Variants in KCNB2 observed in about 807,000 individuals in gnomAD.
The protein encoded by KCNB2 is delayed rectifier potassium channel protein.
Under a neutral mutation model 61.5 loss-of-function variants are expected in KCNB2, and 15 were observed. That is an observed-to-expected ratio of 0.24 (90% CI 0.16 to 0.38). KCNB2 has a LOEUF of 0.38. Ranked by LOEUF, KCNB2 falls within the 10% of genes least tolerant of loss-of-function variation. The pLI, the probability that KCNB2 is intolerant of heterozygous loss-of-function variation, is 1.00. For synonymous variants in KCNB2, 457 were observed against 446.0 expected, an observed-to-expected ratio of 1.02 and a Z score of -0.31; for missense variants, 828 against 1,125.2, an observed-to-expected ratio of 0.74 and a Z score of 3.78.
At chr8:72,582,676 C>T (rs180828066) in intron 2 of KCNB2, among the ~76,000 whole-genome samples, 6 of 152,258 alleles carry the variant, frequency 3.9e-5, no homozygotes, top group African/African-American at 7.2e-5. Context: ...GCAGTGATGC[C>T]ATCATAGCTC....
chr8:72,660,283 G>A (rs1242897012), intron 2 of KCNB2, among the ~76,000 whole-genome samples: 2 of 152,142 alleles, frequency 1.3e-5, no homozygotes, highest in East Asian at 1.9e-4. Flanking sequence ...GTCTGCCAGC[G>A]CATGGAGCCC....
intron 2 of KCNB2, among the ~76,000 whole-genome samples, chr8:72,863,198 G>A (rs926379777): frequency 2.0e-5 from 3 of 152,154 alleles, no homozygotes; most frequent in Non-Finnish European, 4.4e-5. Flanking sequence ...CATGTCATTT[G>A]TTTCTATGTA....
At chr8:72,568,520 A>G (rs1226785513) in intron 2 of KCNB2, among the ~76,000 whole-genome samples, 2 of 152,126 alleles carry the variant, frequency 1.3e-5, no homozygotes, top group Non-Finnish European at 2.9e-5. Flanking sequence ...CCCTTTCATA[A>G]ATATTATTGT....
At chr8:72,621,722 G>A (rs976114637) in intron 2 of KCNB2, among the ~76,000 whole-genome samples, 11 of 152,054 alleles carry the variant, frequency 7.2e-5, no homozygotes, top group South Asian at 6.2e-4. Flanking sequence ...ATAATCTGGC[G>A]TTAACACCAC....
At chr8:72,565,828 G>A (rs1424776712) in intron 1 of KCNB2, among the ~76,000 whole-genome samples, 1 of 152,140 alleles carries the variant, frequency 6.6e-6, no homozygotes, top group African/African-American at 2.4e-5. Context: ...ATTAAAGAAT[G>A]GATTAACTGT....
chr8:72,756,509 T>A (rs1196336137), intron 2 of KCNB2, among the ~76,000 whole-genome samples: 1 of 152,206 alleles, frequency 6.6e-6, no homozygotes, highest in Non-Finnish European at 1.5e-5. Context: ...AAAATTCCAA[T>A]GCCTAGAACT....
At chr8:72,678,756 G>C (rs1332768494) in intron 2 of KCNB2, among the ~76,000 whole-genome samples, 1 of 152,218 alleles carries the variant, frequency 6.6e-6, no homozygotes, top group Non-Finnish European at 1.5e-5. Context: ...ATAAGTATGT[G>C]TTGAGTGAAT....
intron 2 of KCNB2, among the ~76,000 whole-genome samples, chr8:72,713,106 C>A (rs1563567602): frequency 6.6e-6 from 1 of 152,214 alleles, no homozygotes; most frequent in Non-Finnish European, 1.5e-5. Context: ...GGCAGCAAGG[C>A]TGGGGGAGGG....
chr8:72,720,339 A>C (rs1330984720), intron 2 of KCNB2, among the ~76,000 whole-genome samples: 2 of 151,264 alleles, frequency 1.3e-5, no homozygotes, highest in Non-Finnish European at 2.9e-5. Context: ...TCTGGAGAAA[A>C]CCTCTCTGCA....
At chr8:72,852,197 C>T (rs1162341673) in intron 2 of KCNB2, among the ~76,000 whole-genome samples, 1 of 152,188 alleles carries the variant, frequency 6.6e-6, no homozygotes, top group East Asian at 1.9e-4. Flanking sequence ...GAGGTCAAGG[C>T]TGCAGTGAGC....
intron 2 of KCNB2, among the ~76,000 whole-genome samples, chr8:72,743,427 G>A (rs1006709441): frequency 6.6e-6 from 1 of 152,166 alleles, no homozygotes; most frequent in Non-Finnish European, 1.5e-5. Context: ...AAAAGACTGC[G>A]TGTGTTTATC....
At chr8:72,573,248 G>A (rs1045876570) in intron 2 of KCNB2, among the ~76,000 whole-genome samples, 4 of 152,146 alleles carry the variant, frequency 2.6e-5, no homozygotes, top group African/African-American at 9.7e-5. Flanking sequence ...ATAGTATATG[G>A]ATCAGTTATT....
chr8:72,902,228 A>G (rs1036238300), intron 2 of KCNB2, among the ~76,000 whole-genome samples: 5 of 152,174 alleles, frequency 3.3e-5, no homozygotes, highest in Non-Finnish European at 5.9e-5. Flanking sequence ...AATGGAGTCT[A>G]GACTGAATGA....
At chr8:72,822,000 C>G (rs1284816952) in intron 2 of KCNB2, among the ~76,000 whole-genome samples, 1 of 152,204 alleles carries the variant, frequency 6.6e-6, no homozygotes, top group South Asian at 2.1e-4. Context: ...CCATCCTCTT[C>G]CCCACTACCA....
At chr8:72,659,873 T>C (rs1806351249) in intron 2 of KCNB2, among the ~76,000 whole-genome samples, 1 of 152,208 alleles carries the variant, frequency 6.6e-6, no homozygotes, top group Non-Finnish European at 1.5e-5. Context: ...AGTGTAAACA[T>C]AACTCTTTTG....
At chr8:72,660,240 G>C (rs1214809864) in intron 2 of KCNB2, among the ~76,000 whole-genome samples, 4 of 152,158 alleles carry the variant, frequency 2.6e-5, no homozygotes, top group African/African-American at 9.6e-5. Flanking sequence ...CTTTTTTCAA[G>C]TGGGAAGGTT....
chr8:72,628,994 A>G (rs1805837881), intron 2 of KCNB2, among the ~76,000 whole-genome samples: 1 of 152,244 alleles, frequency 6.6e-6, no homozygotes, highest in Non-Finnish European at 1.5e-5. Context: ...TTTAGGCACT[A>G]AATAAATGCT....
At chr8:72,819,399 A>G (rs1360013385) in intron 2 of KCNB2, among the ~76,000 whole-genome samples, 3 of 152,110 alleles carry the variant, frequency 2.0e-5, no homozygotes, top group African/African-American at 7.2e-5. Flanking sequence ...CAAAACCTAC[A>G]AAAAGCCCCT....
At chr8:72,693,120 C>A (rs1806965000) in intron 2 of KCNB2, among the ~76,000 whole-genome samples, 1 of 152,166 alleles carries the variant, frequency 6.6e-6, no homozygotes, top group South Asian at 2.1e-4. Context: ...CTAATTTGAA[C>A]AAATGAAGAA....
Sources: gnomAD v4.1 joint callset for allele counts (sites outside exome capture counted in the v4.1 genomes callset) on GRCh38, gnomAD v4.1.1 for gene constraint, MANE v1.5 for transcripts, NCBI Gene and HGNC (gene_info 2026-07-23, HGNC 2026-07-21) for gene names.